KCND3: variants seen among roughly 807,000 people sequenced by gnomAD.
The protein encoded by KCND3 is A-type voltage-gated potassium channel KCND3.
A neutral mutation model predicts 51.1 loss-of-function variants in KCND3; 9 were observed. The ratio of observed to expected loss-of-function variants is 0.18; its 90% CI spans 0.11 to 0.31. The LOEUF is 0.31. Ranked by LOEUF, KCND3 falls within the 10% of genes least tolerant of loss-of-function variation. KCND3 has a pLI of 1.00. For missense variants in KCND3, 526 were observed against 903.8 expected, an observed-to-expected ratio of 0.58 and a Z score of 5.36; for synonymous variants, 349 against 368.0, an observed-to-expected ratio of 0.95 and a Z score of 0.59.
Position 111,776,104 on chromosome 1 carries a change from G to T in KCND3, c.1941C>A (p.Ser647Arg), listed in dbSNP as rs1289387391. 1 of 1,614,104 alleles carries T rather than the reference G, an allele frequency of 6.2e-7. No individual in the cohort carries two copies. Among genetic ancestry groups the T allele is most frequent in the Non-Finnish European group, 8.5e-7 (1 of 1,180,056 alleles). ...GPNTNIPSIA[S>R]NVVKVSAL is the part of the protein sequence containing the mutation. ...ACAAGGCGGAGACCTTGACAACATT[G>T]CTGGCTATGGAAGGAATGTTCGTGT... The change falls in exon 8 of 8, where the codon AGC becomes AGA. Residue 647 changes from serine to arginine, a missense_variant. By Grantham distance (110) the Ser-to-Arg change is moderately radical. This residue lies in a region of KCND3 where 266 missense variants were observed against 305.5 expected (regional missense o/e 0.87). Transcript: ENST00000302127.
chr1:111,915,765 A>AG (rs1671183115), intron 2 of KCND3, among the ~76,000 whole-genome samples: 2 of 150,848 alleles, frequency 1.3e-5, no homozygotes, highest in Admixed American at 1.3e-4. Flanking sequence ...AAAAAAAAAA[A>AG]CAAAAAAAAA....
intron 2 of KCND3, among the ~76,000 whole-genome samples, chr1:111,918,482 A>G (rs546312547): frequency 1.4e-4 from 22 of 152,332 alleles, no homozygotes; most frequent in African/African-American, 5.3e-4. Flanking sequence ...GAAAAGACAC[A>G]GTCCCACCAC....
At chr1:111,946,604 C>T (rs577090987) in intron 2 of KCND3, among the ~76,000 whole-genome samples, 3 of 152,326 alleles carry the variant, frequency 2.0e-5, no homozygotes, top group African/African-American at 7.2e-5. Flanking sequence ...TTCCTGTTTC[C>T]TTATTTTCTA....
In KCND3 at chr1:111,981,881, C is replaced by T; in HGVS notation, c.846G>A (p.Val282=). 1 of 1,614,068 alleles carries T rather than the reference C, an allele frequency of 6.2e-7. No homozygotes were observed. Among genetic ancestry groups the T allele is most frequent in the Non-Finnish European group, 8.5e-7 (1 of 1,180,018 alleles). Residue 282 remains valine (V), a synonymous_variant, in exon 2 of 8, where the codon GTG becomes GTA. Transcript: ENST00000302127. The surrounding 1 kb of genome is among the most constrained non-coding windows in gnomAD (Gnocchi z 6.2). ...CCCGGAGCGTGACGAAGGCGCCGGA[C>T]ACGTCCTCGTTGTTGGTCATGACCA... is the stretch of plus-strand genomic sequence containing the variant. ...IGLVMTNNED[V]SGAFVTLRVF... is the part of the protein sequence containing the mutation.
At chr1:111,970,447 T>C (rs966083817) in intron 2 of KCND3, among the ~76,000 whole-genome samples, 6 of 152,226 alleles carry the variant, frequency 3.9e-5, no homozygotes, top group Non-Finnish European at 4.4e-5. Context: ...AATGAATTAA[T>C]GTATTTAATT....
intron 2 of KCND3, among the ~76,000 whole-genome samples, chr1:111,964,881 G>A (rs1258728565): frequency 1.3e-5 from 2 of 152,106 alleles, no homozygotes; most frequent in African/African-American, 4.8e-5. Context: ...CTCTGCCAAT[G>A]AGCCTGTCAT....
chr1:111,892,944 T>C (rs904035368), intron 2 of KCND3, among the ~76,000 whole-genome samples: 5 of 152,178 alleles, frequency 3.3e-5, no homozygotes, highest in Non-Finnish European at 7.4e-5. Context: ...TAAGAAGACT[T>C]CCTGGAGAAG....
At chr1:111,870,624 C>T (rs1304272079) in intron 2 of KCND3, among the ~76,000 whole-genome samples, 2 of 152,026 alleles carry the variant, frequency 1.3e-5, no homozygotes, top group African/African-American at 4.8e-5. Flanking sequence ...GAGGGAGCAT[C>T]AAGTCCAAGA....
In KCND3 at chr1:111,911,515, G is replaced by A. The variant is rs146633724; in HGVS notation, c.1106+70106C>T. Among the ~76,000 whole-genome samples, 13 of 152,262 alleles carry A rather than the reference G, an allele frequency of 8.5e-5. No individual in the cohort carries two copies. In the East Asian group the frequency reaches 1.2e-3, roughly 14 times the overall value. On this transcript the variant is annotated intron_variant, in intron 2 of 7. Coordinates refer to ENST00000302127, the MANE Select transcript of KCND3 (RefSeq NM_001378969.1). The stretch of plus-strand genomic sequence containing the variant: ...ATTGGTCATTCATTCATTCAACAAC[G>A]TTTATTGAGTACCAAATCCATGTAC...
intron 2 of KCND3, among the ~76,000 whole-genome samples, chr1:111,890,529 G>A (rs1669778821): frequency 6.6e-6 from 1 of 152,142 alleles, no homozygotes. Flanking sequence ...TAAGTGTAGA[G>A]GCAAAGAACT....
At chr1:111,983,759 C>A (rs1675105686) in intron 1 of KCND3, among the ~76,000 whole-genome samples, 1 of 152,144 alleles carries the variant, frequency 6.6e-6, no homozygotes, top group Non-Finnish European at 1.5e-5. Flanking sequence ...GGTCCCCACT[C>A]CACCCTCAGA....
At chr1:111,829,429 T>C (rs1231710573) in intron 2 of KCND3, among the ~76,000 whole-genome samples, 2 of 152,092 alleles carry the variant, frequency 1.3e-5, no homozygotes, top group Non-Finnish European at 1.5e-5. Context: ...AGGTGGGAGC[T>C]GAGCAGGAGA....
intron 2 of KCND3, among the ~76,000 whole-genome samples, chr1:111,838,916 C>T (rs1223649341): frequency 6.6e-6 from 1 of 152,020 alleles, no homozygotes; most frequent in Non-Finnish European, 1.5e-5. Flanking sequence ...CCTGAAATCA[C>T]GCTATATGCC....
At chr1:111,847,809 T>C (rs1470515240) in intron 2 of KCND3, among the ~76,000 whole-genome samples, 1 of 151,150 alleles carries the variant, frequency 6.6e-6, no homozygotes, top group Admixed American at 6.6e-5. Flanking sequence ...GGGCAGGGAG[T>C]CCTGGAACTG....
At chr1:111,863,488 G>A (rs1050170059) in intron 2 of KCND3, among the ~76,000 whole-genome samples, 2 of 152,202 alleles carry the variant, frequency 1.3e-5, no homozygotes, top group African/African-American at 4.8e-5. Context: ...GGAGTCTTCT[G>A]GGACGACAAG....
chr1:111,780,939 T>G lies in KCND3; in HGVS notation c.1270-148A>C, dbSNP rs553062221. 1 of 723,176 alleles carries G rather than the reference T, an allele frequency of 1.4e-6. No homozygotes were observed. The highest frequency in any genetic ancestry group is 1.5e-5 in the South Asian group (1 of 67,048). The allele number at this position is 723,176 out of a possible 1,614,324, so 44.8% of individuals were successfully genotyped here. ...CTCCAACCTCATGCATCTCCAGTTGTGTACCCACTTTGTATAGCTTGGTTG... is the reference window on the plus strand; with the variant it reads ...CTCCAACCTCATGCATCTCCAGTTGGGTACCCACTTTGTATAGCTTGGTTG... On this transcript the variant is annotated intron_variant, in intron 3 of 7. Transcript: ENST00000302127. The surrounding 1 kb of genome is among the most constrained non-coding windows in gnomAD (Gnocchi z 4.2).
At position 111,818,040 on chromosome 1, in the gene KCND3, GCACACACACACACACACA is replaced by G. The variant is rs59035556; in HGVS notation, c.1107-30952_1107-30935del. On this transcript the variant is annotated intron_variant, in intron 2 of 7. Transcript: ENST00000302127. ...GCTGTTCCCATAGGCACACGCGCGT[GCACACACACACACACACA>G]CACACACACACACACACACAGAATT... Among the ~76,000 whole-genome samples the G allele has an allele frequency of 9.7e-4, 143 of 148,074 alleles. 1 individual carries two copies. The highest frequency in any genetic ancestry group is 3.4e-3 in the Middle Eastern group (1 of 290).
At chr1:111,801,744 C>T (rs1325236479) in intron 2 of KCND3, among the ~76,000 whole-genome samples, 1 of 152,192 alleles carries the variant, frequency 6.6e-6, no homozygotes, top group Non-Finnish European at 1.5e-5. Context: ...TCTGGCATTC[C>T]CCACGCTGTG....
intron 2 of KCND3, among the ~76,000 whole-genome samples, chr1:111,959,150 GCA>G (rs780356397): frequency 2.0e-5 from 3 of 152,176 alleles, no homozygotes; most frequent in Admixed American, 1.3e-4. Context: ...TGTGTTGCAT[GCA>G]CAGTTACTGC....
Sources: allele counts gnomAD v4.1 joint callset (sites outside exome capture counted in the v4.1 genomes callset), GRCh38; gene constraint gnomAD v4.1.1; regional missense constraint gnomAD v4.1.1; non-coding constraint Gnocchi (gnomAD v3.1); transcripts MANE v1.5; gene names NCBI Gene and HGNC (gene_info 2026-07-23, HGNC 2026-07-21).